The following SDK1 variants were observed in gnomAD, a reference collection of about 807,000 sequenced individuals.
SDK1 encodes the protein protein sidekick-1.
Under a neutral mutation model 245.5 loss-of-function variants are expected in SDK1, and 157 were observed. The ratio of observed to expected loss-of-function variants is 0.64; its 90% CI spans 0.56 to 0.73. The LOEUF (loss-of-function observed/expected upper bound fraction) is 0.73, where lower values mean the gene tolerates loss of function less well. SDK1 is among the 30% of genes least tolerant of loss of function. The pLI is 0.00. For synonymous variants in SDK1, 1,647 were observed against 1,278.5 expected, an observed-to-expected ratio of 1.29 and a Z score of -6.15; for missense variants, 3,583 against 3,002.3, an observed-to-expected ratio of 1.19 and a Z score of -4.52.
intron 1 of SDK1, among the ~76,000 whole-genome samples, chr7:3,346,828 T>TATATAA (rs1491226721): frequency 1.3e-4 from 5 of 39,280 alleles, no homozygotes; most frequent in Admixed American, 2.8e-4. Flanking sequence ...TATATATATA[T>TATATAA]TTTTTTTTTT....
At chr7:4,087,102 A>G (rs1202627879) in intron 22 of SDK1, among the ~76,000 whole-genome samples, 1 of 151,926 alleles carries the variant, frequency 6.6e-6, no homozygotes, top group Non-Finnish European at 1.5e-5. Context: ...AATCATAGGC[A>G]GAAAGGTTTT....
chr7:4,213,662 G>T, intron 38 of SDK1, among the ~76,000 whole-genome samples: 1 of 151,854 alleles, frequency 6.6e-6, no homozygotes, highest in Non-Finnish European at 1.5e-5. Flanking sequence ...CCGCACAGGG[G>T]CCTCGATGTG....
intron 1 of SDK1, among the ~76,000 whole-genome samples, chr7:3,523,458 T>C (rs139236532): frequency 3.4e-4 from 52 of 152,192 alleles, no homozygotes; most frequent in African/African-American, 1.2e-3. Context: ...TACCACTGAG[T>C]GCTAGATTAG....
chr7:3,467,938 C>A (rs1781058423), intron 1 of SDK1, among the ~76,000 whole-genome samples: 1 of 151,358 alleles, frequency 6.6e-6, no homozygotes, highest in African/African-American at 2.4e-5. Flanking sequence ...TTCTGGCTTT[C>A]TAATTATCAT....
At chr7:3,366,783 C>T (rs185217650) in intron 1 of SDK1, among the ~76,000 whole-genome samples, 1 of 151,974 alleles carries the variant, frequency 6.6e-6, no homozygotes, top group Admixed American at 6.6e-5. Flanking sequence ...TGCTCTGTCA[C>T]CAGGTTGGAG....
chr7:3,331,938 T>G (rs1266755702), intron 1 of SDK1, among the ~76,000 whole-genome samples: 9 of 152,326 alleles, frequency 5.9e-5, no homozygotes, highest in African/African-American at 2.4e-5. Flanking sequence ...TGGTAAACAT[T>G]AGTTACTGCT....
In SDK1 at chr7:4,027,062, T is replaced by G. The variant is rs371069012; in HGVS notation, c.2602+9710T>G. Reference sequence around the variant, plus strand: ...GTGCTGTTGTGCAGGACGTGAAGATTTGTGCTTCTTGCATCGTGGGGTAGA... The same window carrying G: ...GTGCTGTTGTGCAGGACGTGAAGATGTGTGCTTCTTGCATCGTGGGGTAGA... On this transcript the variant is annotated intron_variant, in intron 17 of 44. Coordinates refer to ENST00000404826, the MANE Select transcript of SDK1 (RefSeq NM_152744.4). Among the ~76,000 whole-genome samples the G allele has an allele frequency of 3.3e-5, 5 of 152,246 alleles. 1 individual carries two copies. The East Asian group carries it at 5.8e-4, about 18-fold the overall frequency.
intron 4 of SDK1, among the ~76,000 whole-genome samples, chr7:3,796,123 G>T (rs1778955418): frequency 6.6e-6 from 1 of 152,224 alleles, no homozygotes; most frequent in African/African-American, 2.4e-5. Flanking sequence ...CTCCTGTGAT[G>T]TGTTGAAGAG....
In SDK1 at chr7:3,333,424, C is replaced by G. The variant is rs73672092; in HGVS notation, c.298+31540C>G. ...CCATTTAATGAGGTCAAAGAGGTTT[C>G]TTGACTGTGACTATGGAATGCTTAT... On this transcript the variant is annotated intron_variant, in intron 1 of 44. Coordinates refer to ENST00000404826, the MANE Select transcript of SDK1 (RefSeq NM_152744.4). Among the ~76,000 whole-genome samples the G allele has an allele frequency of 5.5e-3, 830 of 152,234 alleles. 6 individuals carry two copies. Among genetic ancestry groups the G allele is most frequent in the African/African-American group, 0.019 (792 of 41,528 alleles).
intron 35 of SDK1, among the ~76,000 whole-genome samples, chr7:4,184,185 C>G (rs894271363): frequency 6.6e-6 from 1 of 152,220 alleles, no homozygotes; most frequent in African/African-American, 2.4e-5. Context: ...CAGCTTCCGT[C>G]CCCTCGGCTG....
chr7:4,260,677 C>T (rs1024371203), intron 44 of SDK1, among the ~76,000 whole-genome samples: 2 of 149,314 alleles, frequency 1.3e-5, no homozygotes, highest in Admixed American at 6.7e-5. Flanking sequence ...TGTTCATCGT[C>T]ACCTGATAGG....
chr7:3,314,309 C>G (rs1485394919), intron 1 of SDK1, among the ~76,000 whole-genome samples: 2 of 152,162 alleles, frequency 1.3e-5, no homozygotes, highest in African/African-American at 4.8e-5. Context: ...GCCAAAGGAC[C>G]AAACATCAAG....
In SDK1 at chr7:4,119,820, C is replaced by T. The variant is rs143009651; in HGVS notation, c.3823+5546C>T. Among the ~76,000 whole-genome samples, 167 of 148,358 alleles carry T rather than the reference C, an allele frequency of 1.1e-3. 8 individuals are homozygous for T. Among genetic ancestry groups the T allele is most frequent in the African/African-American group, 3.8e-3 (156 of 40,702 alleles). On this transcript the variant is annotated intron_variant, in intron 25 of 44. Coordinates refer to ENST00000404826, the MANE Select transcript of SDK1 (RefSeq NM_152744.4). Reference sequence around the variant, plus strand: ...AATGATTTGCCATGAGTAAAAATGACCAGTTTTAAAAAAAGAGAGAAAGAT... The same window carrying T: ...AATGATTTGCCATGAGTAAAAATGATCAGTTTTAAAAAAAGAGAGAAAGAT...
intron 1 of SDK1, among the ~76,000 whole-genome samples, chr7:3,604,566 T>C (rs115195840): frequency 0.021 from 3,115 of 151,508 alleles, 119 homozygotes; most frequent in African/African-American, 0.071. Flanking sequence ...ATTTATTTTT[T>C]ATTTAATTCC....
intron 1 of SDK1, among the ~76,000 whole-genome samples, chr7:3,546,223 T>C (rs1044542894): frequency 2.0e-5 from 3 of 152,040 alleles, no homozygotes; most frequent in African/African-American, 7.3e-5. Context: ...ACACCGCGGG[T>C]CTGGGAACCA....
At chr7:3,321,258 A>C (rs1481859060) in intron 1 of SDK1, among the ~76,000 whole-genome samples, 1 of 152,236 alleles carries the variant, frequency 6.6e-6, no homozygotes, top group Non-Finnish European at 1.5e-5. Flanking sequence ...AAGTGAAAAC[A>C]AGTTGGAAAA....
At chr7:3,744,972 A>G (rs558596264) in intron 4 of SDK1, among the ~76,000 whole-genome samples, 2 of 152,316 alleles carry the variant, frequency 1.3e-5, no homozygotes, top group South Asian at 2.1e-4. Context: ...GTGTGCTTCA[A>G]TAGAAATCAG....
intron 4 of SDK1, among the ~76,000 whole-genome samples, chr7:3,669,124 G>A (rs200302412): frequency 1.3e-5 from 2 of 152,270 alleles, no homozygotes; most frequent in East Asian, 3.9e-4. Flanking sequence ...TATTAGGAGT[G>A]ATAATGAACA....
chr7:3,594,135 C>G (rs2128636457), intron 1 of SDK1, among the ~76,000 whole-genome samples: 1 of 152,290 alleles, frequency 6.6e-6, no homozygotes, highest in Non-Finnish European at 1.5e-5. Context: ...TTCCCTATTT[C>G]CCAGGTAATC....
Sources: allele counts gnomAD v4.1 joint callset (sites outside exome capture counted in the v4.1 genomes callset), GRCh38; gene constraint gnomAD v4.1.1; transcripts MANE v1.5; gene names NCBI Gene and HGNC (gene_info 2026-07-23, HGNC 2026-07-21).